Variants in XIRP2 observed in about 807,000 individuals in gnomAD.
The protein encoded by XIRP2 is xin actin-binding repeat-containing protein 2.
In XIRP2, 236 loss-of-function variants were observed where a neutral mutation model predicts 277.0. The ratio of observed to expected loss-of-function variants is 0.85; its 90% CI spans 0.77 to 0.95. XIRP2 has a LOEUF of 0.95. Ranked by LOEUF, XIRP2 falls within the 40% of genes least tolerant of loss-of-function variation. The pLI is 0.00. For missense variants in XIRP2, 4,640 were observed against 4,157.5 expected (o/e 1.12, Z -3.19); for synonymous variants, 1,490 against 1,416.5 (o/e 1.05, Z -1.17).
At chr2:167,191,085 T>C (rs1573944788) in intron 3 of XIRP2, among the ~76,000 whole-genome samples, 1 of 148,612 alleles carries the variant, frequency 6.7e-6, no homozygotes, top group South Asian at 2.1e-4. Flanking sequence ...ACTTGGGAGG[T>C]TGAGGTAGAA....
At chr2:167,146,500 C>CA (rs55685517) in intron 3 of XIRP2, among the ~76,000 whole-genome samples, 13,175 of 128,782 alleles carry the variant, frequency 0.1, 627 homozygotes, top group Middle Eastern at 0.15. Flanking sequence ...GACTCTGTCT[C>CA]AAAAAAAAAA....
intron 4 of XIRP2, among the ~76,000 whole-genome samples, chr2:167,217,854 T>G (rs894892298): frequency 6.6e-6 from 1 of 152,128 alleles, no homozygotes; most frequent in African/African-American, 2.4e-5. Flanking sequence ...AGTCTGTATA[T>G]TACAGGAGAA....
At chr2:167,242,491 G>A (rs1695101343) in intron 8 of XIRP2, 78 bp from the exon 9 acceptor site, 5 of 1,469,980 alleles carry the variant, frequency 3.4e-6, no homozygotes, top group South Asian at 2.7e-5. Flanking sequence ...CCAGGTTACA[G>A]ACCAATGAAG....
intron 2 of XIRP2, among the ~76,000 whole-genome samples, chr2:167,103,696 C>A (rs1273403502): frequency 6.6e-6 from 1 of 152,044 alleles, no homozygotes; most frequent in Non-Finnish European, 1.5e-5. Context: ...AGTAGTTATA[C>A]CTAAGGAAAT....
chr2:167,192,695 G>A (rs533879438), intron 3 of XIRP2, among the ~76,000 whole-genome samples: 19 of 152,046 alleles, frequency 1.2e-4, no homozygotes, highest in Admixed American at 1.1e-3. Flanking sequence ...CTGCTTCTGC[G>A]GCATCCAGAG....
At chr2:167,202,369 A>G (rs1161212829) in intron 3 of XIRP2, among the ~76,000 whole-genome samples, 1 of 152,218 alleles carries the variant, frequency 6.6e-6, no homozygotes, top group African/African-American at 2.4e-5. Flanking sequence ...AATTTTCTTA[A>G]TTCATAACTG....
At chr2:166,888,898 T>C (rs545820301) in intron 1 of XIRP2, among the ~76,000 whole-genome samples, 6 of 152,178 alleles carry the variant, frequency 3.9e-5, no homozygotes, top group South Asian at 4.1e-4. Flanking sequence ...TGAAAGATAG[T>C]CAGGGACTTC....
intron 2 of XIRP2, among the ~76,000 whole-genome samples, chr2:167,034,093 T>C (rs1688441296): frequency 6.6e-6 from 1 of 152,068 alleles, no homozygotes. Context: ...ATAAACAATA[T>C]AATAAGGTAT....
At chr2:166,910,000 T>C (rs535628866) in intron 2 of XIRP2, among the ~76,000 whole-genome samples, 2 of 152,352 alleles carry the variant, frequency 1.3e-5, no homozygotes, top group South Asian at 4.1e-4. Context: ...GATGTGCTGC[T>C]GGATTCGGTT....
At chr2:167,208,484 T>A (rs1395546846) in intron 3 of XIRP2, among the ~76,000 whole-genome samples, 1 of 152,030 alleles carries the variant, frequency 6.6e-6, no homozygotes, top group Non-Finnish European at 1.5e-5. Flanking sequence ...ATTTTTTGTA[T>A]TTTTTAGTAG....
At chr2:167,154,588 A>G (rs147760956) in intron 3 of XIRP2, among the ~76,000 whole-genome samples, 14,912 of 151,682 alleles carry the variant, frequency 0.098, 782 homozygotes, top group South Asian at 0.15. Flanking sequence ...TTTTGTATAA[A>G]GTGTAAGGAA....
chr2:167,079,767 T>C (rs1417100875), intron 2 of XIRP2, among the ~76,000 whole-genome samples: 1 of 152,034 alleles, frequency 6.6e-6, no homozygotes, highest in African/African-American at 2.4e-5. Flanking sequence ...TCTATGTTGC[T>C]TATCCTTCTA....
chr2:167,246,590 C>T lies in XIRP2; in HGVS notation c.5198C>T (p.Ala1733Val). The T allele has an allele frequency of 6.2e-7, 1 of 1,613,724 alleles. No individual in the cohort carries two copies. The highest frequency in any genetic ancestry group is 8.5e-7 in the Non-Finnish European group (1 of 1,179,844). The change falls in exon 9 of 11, where the codon GCT becomes GTT. Residue 1733 changes from alanine (A) to valine (V), a missense_variant. Coordinates refer to ENST00000409195, the MANE Select transcript of XIRP2 (RefSeq NM_152381.6). ...TCAAACAATAAAATATCTGAAAGGG[C>T]TAAAATTGATGCCTCTGAGAGAGGA... is the stretch of plus-strand genomic sequence containing the variant. ...STSNNKISERAKIDASERGNV... is the reference protein window; with the variant it reads ...STSNNKISERVKIDASERGNV...
At chr2:167,158,824 A>C (rs1692279188) in intron 3 of XIRP2, among the ~76,000 whole-genome samples, 1 of 152,188 alleles carries the variant, frequency 6.6e-6, no homozygotes, top group South Asian at 2.1e-4. Flanking sequence ...GGAACCACAC[A>C]GTTATTTGAA....
chr2:166,969,939 TA>T (rs549876956), intron 2 of XIRP2, among the ~76,000 whole-genome samples: 12 of 149,902 alleles, frequency 8.0e-5, no homozygotes, highest in East Asian at 5.9e-4. Flanking sequence ...AAACTAAAAT[TA>T]AAAAAAAAAT....
intron 2 of XIRP2, among the ~76,000 whole-genome samples, chr2:167,106,105 T>A (rs571897944): frequency 8.6e-5 from 13 of 151,616 alleles, no homozygotes; most frequent in Non-Finnish European, 1.9e-4. Context: ...TTGCAAATAT[T>A]TTCTCCACTT....
intron 2 of XIRP2, among the ~76,000 whole-genome samples, chr2:167,051,479 A>G (rs1315000214): frequency 2.0e-5 from 3 of 152,178 alleles, no homozygotes; most frequent in Non-Finnish European, 4.4e-5. Flanking sequence ...TATAATTTTG[A>G]TATAATGATA....
chr2:166,928,432 T>G (rs1031046117), intron 2 of XIRP2, among the ~76,000 whole-genome samples: 2 of 152,098 alleles, frequency 1.3e-5, no homozygotes, highest in Admixed American at 6.6e-5. Context: ...TTATAAAGTT[T>G]TCATTGAACC....
At chr2:166,983,179 TATA>T (rs1278883308) in intron 2 of XIRP2, among the ~76,000 whole-genome samples, 1 of 152,220 alleles carries the variant, frequency 6.6e-6, no homozygotes, top group Non-Finnish European at 1.5e-5. Flanking sequence ...ATCTGTATTG[TATA>T]ATCCTATTGA....
Sources: gnomAD v4.1 joint callset for allele counts (sites outside exome capture counted in the v4.1 genomes callset) on GRCh38, gnomAD v4.1.1 for gene constraint, MANE v1.5 for transcripts, NCBI Gene and HGNC (gene_info 2026-07-23, HGNC 2026-07-21) for gene names.